The following CDH12 variants were observed in gnomAD, a reference collection of about 807,000 sequenced individuals.
CDH12 encodes the protein cadherin 12, also known as cadherin-12.
A neutral mutation model predicts 74.1 loss-of-function variants in CDH12; 41 were observed. That is an observed-to-expected ratio of 0.55 (90% CI 0.43 to 0.72). The LOEUF is 0.72. Among genes scored for constraint, CDH12 ranks in the 30% least tolerant of loss-of-function variants. CDH12 has a pLI of 0.00. For missense variants in CDH12, 945 were observed against 977.2 expected, an observed-to-expected ratio of 0.97 and a Z score of 0.44; for synonymous variants, 399 against 355.0, an observed-to-expected ratio of 1.12 and a Z score of -1.39.
At chr5:22,520,472 C>T (rs986312091) in intron 1 of CDH12, among the ~76,000 whole-genome samples, 5 of 152,142 alleles carry the variant, frequency 3.3e-5, no homozygotes, top group African/African-American at 9.6e-5. Context: ...CTAAAGAACA[C>T]TTATGGAGGT....
intron 1 of CDH12, among the ~76,000 whole-genome samples, chr5:22,601,698 C>T (rs1455465890): frequency 6.6e-6 from 1 of 151,980 alleles, no homozygotes; most frequent in African/African-American, 2.4e-5. Context: ...CCTTACATCT[C>T]CCAGATGCGA....
At position 22,716,339 on chromosome 5, in the gene CDH12, C is replaced by T. The variant is rs148452090; in HGVS notation, c.-523+136719G>A. 4.8e-4 allele frequency among the ~76,000 whole-genome samples: 73 copies of T among 152,086 alleles called. 1 individual carries two copies. The highest frequency in any genetic ancestry group is 3.1e-3 in the South Asian group (15 of 4,818). ...ATTTCCATTAACACTGAGGCACATA[C>T]GATGGTGTGGTCCCATGAGATTATA... On this transcript the variant is annotated intron_variant, in intron 1 of 14. Transcript: ENST00000382254.
At chr5:22,403,449 T>C (rs909782075) in intron 3 of CDH12, among the ~76,000 whole-genome samples, 4 of 152,212 alleles carry the variant, frequency 2.6e-5, no homozygotes, top group Non-Finnish European at 4.4e-5. Flanking sequence ...AATGTAATTA[T>C]GGACTGAAGA....
intron 2 of CDH12, among the ~76,000 whole-genome samples, chr5:22,444,411 A>T (rs1744740065): frequency 6.6e-6 from 1 of 152,080 alleles, no homozygotes; most frequent in Non-Finnish European, 1.5e-5. Context: ...GTAAATATTT[A>T]TTACCTTCAT....
intron 1 of CDH12, chr5:22,639,050 C>CAAAAAAAAAAAAAAAAAA (rs545549665): frequency 1.6e-5 from 1 of 64,270 alleles, no homozygotes; most frequent in African/African-American, 5.4e-5. Flanking sequence ...GAGTCCGCCT[C>CAAAAAAAAAAAAAAAAAA]AAAAAAAAAA....
intron 4 of CDH12, among the ~76,000 whole-genome samples, chr5:22,153,903 T>TACACAC (rs773341844): frequency 0.019 from 2,121 of 110,942 alleles, 93 homozygotes; most frequent in African/African-American, 0.071. Flanking sequence ...TATATATATA[T>TACACAC]ACACACACAT....
At chr5:22,733,883 A>C (rs1221857267) in intron 1 of CDH12, among the ~76,000 whole-genome samples, 1 of 151,728 alleles carries the variant, frequency 6.6e-6, no homozygotes, top group Non-Finnish European at 1.5e-5. Context: ...TCTAGTTGCT[A>C]TCCTATAACC....
intron 4 of CDH12, among the ~76,000 whole-genome samples, chr5:22,142,073 A>T (rs1410926157): frequency 6.6e-6 from 1 of 152,154 alleles, no homozygotes; most frequent in African/African-American, 2.4e-5. Context: ...TGGAACAGGG[A>T]ACATTGGAGA....
intron 5 of CDH12, among the ~76,000 whole-genome samples, chr5:22,058,929 T>A (rs1045074020): frequency 6.6e-6 from 1 of 152,286 alleles, no homozygotes; most frequent in African/African-American, 2.4e-5. Flanking sequence ...TCTTATTCCT[T>A]AAATAAAAGA....
intron 4 of CDH12, among the ~76,000 whole-genome samples, chr5:22,208,275 G>A (rs1267948424): frequency 1.3e-5 from 2 of 152,118 alleles, no homozygotes; most frequent in African/African-American, 2.4e-5. Context: ...AAACTACAGA[G>A]AAAAATGTGA....
At chr5:22,793,851 A>G (rs1319020116) in intron 1 of CDH12, among the ~76,000 whole-genome samples, 1 of 152,060 alleles carries the variant, frequency 6.6e-6, no homozygotes, top group Non-Finnish European at 1.5e-5. Context: ...ACATCCTGGC[A>G]ATAAGTCTTC....
chr5:22,154,488 CATAT>C (rs1310357352), intron 4 of CDH12, among the ~76,000 whole-genome samples: 3 of 9,056 alleles, frequency 3.3e-4, no homozygotes, highest in African/African-American at 9.9e-4. Flanking sequence ...TATATGTACA[CATAT>C]ATATGTACAC....
chr5:22,741,389 T>C (rs1451293827), intron 1 of CDH12, among the ~76,000 whole-genome samples: 1 of 152,226 alleles, frequency 6.6e-6, no homozygotes, highest in Non-Finnish European at 1.5e-5. Flanking sequence ...TTCCCATATT[T>C]GCTATTTTTA....
At chr5:22,771,036 CA>C (rs2126309452) in intron 1 of CDH12, among the ~76,000 whole-genome samples, 1 of 152,126 alleles carries the variant, frequency 6.6e-6, no homozygotes, top group Admixed American at 6.6e-5. Context: ...AATGATAATA[CA>C]ATTTAATTCA....
At chr5:21,952,177 T>C (rs905150010) in intron 6 of CDH12, among the ~76,000 whole-genome samples, 1 of 152,190 alleles carries the variant, frequency 6.6e-6, no homozygotes, top group African/African-American at 2.4e-5. Flanking sequence ...TAAGTGTCTG[T>C]TCTTATTGTT....
At chr5:22,586,068 T>C (rs269874) in intron 1 of CDH12, among the ~76,000 whole-genome samples, 83,117 of 151,962 alleles carry the variant, frequency 0.55, 22,995 homozygotes, top group East Asian at 0.68. Flanking sequence ...CTATTCAGAA[T>C]AGCAAAGACT....
At chr5:22,724,305 G>A (rs1744053159) in intron 1 of CDH12, among the ~76,000 whole-genome samples, 1 of 151,650 alleles carries the variant, frequency 6.6e-6, no homozygotes, top group South Asian at 2.1e-4. Context: ...ATTTAGTGTT[G>A]ATTTCTGAGA....
intron 4 of CDH12, among the ~76,000 whole-genome samples, chr5:22,195,902 T>G (rs1455618148): frequency 6.6e-6 from 1 of 152,176 alleles, no homozygotes. Context: ...TCTTTCTCTC[T>G]TTCATTTTCT....
intron 4 of CDH12, among the ~76,000 whole-genome samples, chr5:22,125,858 G>A (rs2150281183): frequency 6.6e-6 from 1 of 152,146 alleles, no homozygotes; most frequent in South Asian, 2.1e-4. Flanking sequence ...ACCCTGTATT[G>A]ACTCCCTCGC....
Sources: allele counts gnomAD v4.1 joint callset (sites outside exome capture counted in the v4.1 genomes callset), GRCh38; gene constraint gnomAD v4.1.1; transcripts MANE v1.5; gene names NCBI Gene and HGNC (gene_info 2026-07-23, HGNC 2026-07-21).